Variants in USH2A observed in about 807,000 individuals in gnomAD.
The protein encoded by USH2A is Usher syndrome 2A (autosomal recessive, mild).
Under a neutral mutation model 538.9 loss-of-function variants are expected in USH2A, and 443 were observed. The observed-to-expected ratio is 0.82, with a 90% CI of 0.76 to 0.89. The LOEUF (loss-of-function observed/expected upper bound fraction) is 0.89, where lower values mean the gene tolerates loss of function less well. Among genes scored for constraint, USH2A ranks in the 40% least tolerant of loss-of-function variants. The probability of loss-of-function intolerance (pLI) is 0.00; values close to 1 mark genes in which losing one functional copy is unlikely to be tolerated. For missense variants in USH2A, 6,633 were observed against 6,324.8 expected (o/e 1.05, Z -1.65); for synonymous variants, 2,413 against 2,273.5 (o/e 1.06, Z -1.75).
At chr1:215,644,589 G>A (rs1176422481) in intron 67 of USH2A, among the ~76,000 whole-genome samples, 4 of 152,166 alleles carry the variant, frequency 2.6e-5, no homozygotes, top group East Asian at 1.9e-4. Context: ...GGAGAGGGTG[G>A]TAATGAAAAT....
intron 31 of USH2A, 117 bp from the exon 32 acceptor site, chr1:216,046,709 C>A: frequency 8.2e-7 from 1 of 1,221,836 alleles, no homozygotes; most frequent in Non-Finnish European, 1.2e-6. Context: ...GGAAATATTC[C>A]CGATTCGTGG....
At chr1:215,931,010 T>A (rs1478521704) in intron 38 of USH2A, among the ~76,000 whole-genome samples, 1 of 151,904 alleles carries the variant, frequency 6.6e-6, no homozygotes, top group Admixed American at 6.6e-5. Flanking sequence ...CCTAAAAATA[T>A]AGTAATTGTA....
At chr1:215,719,971 T>C (rs1407064208) in intron 61 of USH2A, among the ~76,000 whole-genome samples, 2 of 152,176 alleles carry the variant, frequency 1.3e-5, no homozygotes, top group Non-Finnish European at 2.9e-5. Flanking sequence ...ACTAGAAAGA[T>C]GATAGGGCCA....
At chr1:215,905,120 A>G (rs1363018543) in intron 38 of USH2A, among the ~76,000 whole-genome samples, 1 of 152,134 alleles carries the variant, frequency 6.6e-6, no homozygotes, top group East Asian at 1.9e-4. Context: ...GCAGATTTAT[A>G]AAACTCTGGG....
intron 32 of USH2A, among the ~76,000 whole-genome samples, chr1:216,014,544 T>A (rs1231224220): frequency 6.6e-6 from 1 of 152,120 alleles, no homozygotes; most frequent in Non-Finnish European, 1.5e-5. Context: ...CAAATCTGAG[T>A]TGGGTAAATG....
At chr1:215,672,115 T>C (rs1657836507) in intron 63 of USH2A, among the ~76,000 whole-genome samples, 1 of 152,214 alleles carries the variant, frequency 6.6e-6, no homozygotes, top group Admixed American at 6.5e-5. Context: ...TAGCAGGGAC[T>C]TCTCCTTTCC....
intron 49 of USH2A, among the ~76,000 whole-genome samples, chr1:215,799,328 T>C (rs541928853): frequency 1.1e-4 from 16 of 152,322 alleles, no homozygotes; most frequent in Admixed American, 7.8e-4. Context: ...GATACACACA[T>C]GGCAACTTAC....
At chr1:215,878,516 T>C (rs1295889966) in intron 42 of USH2A, among the ~76,000 whole-genome samples, 4 of 152,212 alleles carry the variant, frequency 2.6e-5, no homozygotes, top group African/African-American at 9.6e-5. Flanking sequence ...TGATGGATTA[T>C]GTAGCGAATC....
chr1:215,801,651 T>G (rs1662336793), intron 49 of USH2A, among the ~76,000 whole-genome samples: 1 of 152,068 alleles, frequency 6.6e-6, no homozygotes, highest in Admixed American at 6.6e-5. Flanking sequence ...TGGAAGAACA[T>G]CCCATGTTTA....
chr1:215,871,054 T>G (rs569736199), intron 43 of USH2A, among the ~76,000 whole-genome samples: 1 of 152,268 alleles, frequency 6.6e-6, no homozygotes, highest in South Asian at 2.1e-4. Context: ...AATACTTATA[T>G]TGAGTCTATG....
intron 21 of USH2A, among the ~76,000 whole-genome samples, chr1:216,150,476 C>T (rs898463735): frequency 1.1e-4 from 16 of 151,982 alleles, no homozygotes; most frequent in Middle Eastern, 6.8e-3. Flanking sequence ...CCCTCCTTAG[C>T]GAACAACTGC....
chr1:215,900,423 T>C (rs1055151749), intron 39 of USH2A, among the ~76,000 whole-genome samples: 1 of 152,174 alleles, frequency 6.6e-6, no homozygotes, highest in African/African-American at 2.4e-5. Flanking sequence ...TAAATCCTAG[T>C]AGTATTGAGA....
intron 54 of USH2A, among the ~76,000 whole-genome samples, chr1:215,781,721 T>C (rs1395958831): frequency 6.6e-6 from 1 of 152,192 alleles, no homozygotes; most frequent in African/African-American, 2.4e-5. Context: ...TGAATAATGA[T>C]TTGGACATTT....
intron 61 of USH2A, among the ~76,000 whole-genome samples, chr1:215,698,082 G>T (rs943892944): frequency 6.6e-6 from 1 of 152,088 alleles, no homozygotes. Flanking sequence ...GTGGTGTTTG[G>T]TTTTCTGTTT....
intron 20 of USH2A, among the ~76,000 whole-genome samples, chr1:216,187,631 T>G (rs965069270): frequency 3.3e-5 from 5 of 151,886 alleles, no homozygotes; most frequent in Non-Finnish European, 7.4e-5. Flanking sequence ...AGTTGTAAAA[T>G]AAACTCTCCT....
intron 13 of USH2A, among the ~76,000 whole-genome samples, chr1:216,241,095 T>A (rs2035927028): frequency 6.6e-6 from 1 of 152,142 alleles, no homozygotes; most frequent in South Asian, 2.1e-4. Flanking sequence ...GTACAGTAAA[T>A]TTATATAGTC....
chr1:215,721,954 A>G (rs1558069322), intron 61 of USH2A, among the ~76,000 whole-genome samples: 2 of 152,024 alleles, frequency 1.3e-5, no homozygotes, highest in Admixed American at 6.6e-5. Flanking sequence ...AGTCCCAGCT[A>G]CTTGGGAGGC....
At chr1:216,095,623 C>T (rs2032423854) in intron 22 of USH2A, among the ~76,000 whole-genome samples, 1 of 152,136 alleles carries the variant, frequency 6.6e-6, no homozygotes, top group South Asian at 2.1e-4. Context: ...TGCTGTGCAC[C>T]AGCCAGGGAG....
At chr1:216,138,214 G>A (rs2033524597) in intron 21 of USH2A, among the ~76,000 whole-genome samples, 1 of 152,092 alleles carries the variant, frequency 6.6e-6, no homozygotes, top group Admixed American at 6.6e-5. Flanking sequence ...CTGGTATTTA[G>A]GATAATGGCC....
Sources: allele counts gnomAD v4.1 joint callset (sites outside exome capture counted in the v4.1 genomes callset), GRCh38; gene constraint gnomAD v4.1.1; transcripts MANE v1.5; gene names NCBI Gene and HGNC (gene_info 2026-07-23, HGNC 2026-07-21).